Variants in ADGRD1 observed in about 807,000 individuals in gnomAD.
The protein encoded by ADGRD1 is adhesion G protein-coupled receptor D1, also known as G-protein coupled receptor 133.
ADGRD1 carries 77 observed loss-of-function variants against 113.4 expected under a neutral mutation model. The ratio of observed to expected loss-of-function variants is 0.68; its 90% CI spans 0.57 to 0.82. ADGRD1 has a LOEUF of 0.82. ADGRD1 is among the 40% of genes least tolerant of loss of function. The pLI, the probability that ADGRD1 is intolerant of heterozygous loss-of-function variation, is 0.00. For synonymous variants in ADGRD1, 474 were observed against 475.0 expected, an observed-to-expected ratio of 1.00 and a Z score of 0.03; for missense variants, 1,036 against 1,139.1, an observed-to-expected ratio of 0.91 and a Z score of 1.30.
chr12:131,062,798 G>A (rs548048405), intron 13 of ADGRD1, among the ~76,000 whole-genome samples: 154 of 152,126 alleles, frequency 1.0e-3, no homozygotes, highest in African/African-American at 3.4e-3. Context: ...CAAGGGTCAC[G>A]TGGTAAATAT....
At chr12:131,018,982 C>G (rs748802099) in intron 13 of ADGRD1, among the ~76,000 whole-genome samples, 3 of 152,212 alleles carry the variant, frequency 2.0e-5, no homozygotes, top group Non-Finnish European at 4.4e-5. Flanking sequence ...AAGGCCGGGG[C>G]ACAGACTCGT....
chr12:131,049,031 G>A (rs545886381), intron 13 of ADGRD1, among the ~76,000 whole-genome samples: 1 of 152,254 alleles, frequency 6.6e-6, no homozygotes, highest in Non-Finnish European at 1.5e-5. Context: ...GAGAGAGGGC[G>A]AGGCCAAAGG....
chr12:131,105,204 G>T (rs1160332540), intron 16 of ADGRD1, among the ~76,000 whole-genome samples: 1 of 152,250 alleles, frequency 6.6e-6, no homozygotes, highest in Non-Finnish European at 1.5e-5. Flanking sequence ...CAGGCGTGTG[G>T]TCGGCTTTGA....
intron 13 of ADGRD1, among the ~76,000 whole-genome samples, chr12:131,039,494 A>T (rs1474848461): frequency 1.3e-5 from 2 of 152,262 alleles, no homozygotes; most frequent in Non-Finnish European, 2.9e-5. Flanking sequence ...AGATGGAAAG[A>T]TTGTTCAAAG....
chr12:131,138,346 G>A (rs976401765), intron 24 of ADGRD1, 117 bp downstream of exon 24: 1 of 782,578 alleles, frequency 1.3e-6, no homozygotes, highest in Non-Finnish European at 2.1e-6. Context: ...AGCAGTCTTT[G>A]TCCCCCTCTC....
rs752555634 is a variant in ADGRD1, at chr12:131,139,178, C to T, written c.2540C>T (p.Thr847Ile). 1.2e-6 allele frequency: 2 copies of T among 1,612,998 alleles called. No individual in the cohort carries two copies. Among genetic ancestry groups the T allele is most frequent in the Non-Finnish European group, 1.7e-6 (2 of 1,179,710 alleles). The change falls in exon 25 of 25, where the codon ACC becomes ATC. Residue 847 changes from threonine (T) to isoleucine (I), a missense_variant. Coordinates refer to ENST00000261654, the MANE Select transcript of ADGRD1 (RefSeq NM_198827.5). The stretch of plus-strand genomic sequence containing the variant: ...CTTTATGCTTTGCAGATGAATGGGA[C>T]CCGGCCAGGCATGGCCTCCACCAAG... ...KPFHSDLMNGTRPGMASTKLS... is the reference protein window; with the variant it reads ...KPFHSDLMNGIRPGMASTKLS...
chr12:131,012,250 G>A (rs1244542978), intron 12 of ADGRD1, among the ~76,000 whole-genome samples: 18 of 150,948 alleles, frequency 1.2e-4, no homozygotes, highest in Admixed American at 1.2e-3. Flanking sequence ...GTTGAGACAC[G>A]TGGACCTAGG....
At chr12:130,962,631 A>G (rs1255104122) in intron 2 of ADGRD1, 1 of 152,232 alleles carries the variant, frequency 6.6e-6, no homozygotes, top group African/African-American at 2.4e-5. Context: ...TTCATATTGC[A>G]TTACAATAGT....
intron 15 of ADGRD1, among the ~76,000 whole-genome samples, chr12:131,086,375 C>T (rs959891742): frequency 6.6e-6 from 1 of 152,156 alleles, no homozygotes; most frequent in Non-Finnish European, 1.5e-5. Context: ...CCCAGGAATG[C>T]AGCCTCCCAG....
chr12:130,996,523 G>A (rs1375410886), intron 8 of ADGRD1, among the ~76,000 whole-genome samples: 1 of 131,656 alleles, frequency 7.6e-6, no homozygotes, highest in Non-Finnish European at 1.7e-5. Context: ...CGGCTGGCCG[G>A]GCGGGGGGCT....
intron 23 of ADGRD1, chr12:131,137,627 TC>T (rs1262899101): frequency 4.7e-6 from 1 of 211,752 alleles, no homozygotes; most frequent in Non-Finnish European, 9.6e-6. Context: ...AGTGGCGGTG[TC>T]CGTTTGCAAG....
chr12:130,994,147 C>A, intron 8 of ADGRD1: 1 of 355,310 alleles, frequency 2.8e-6, no homozygotes, highest in Non-Finnish European at 5.9e-6. Context: ...CGCTTCCGGG[C>A]TCCGAAGGGA....
intron 15 of ADGRD1, among the ~76,000 whole-genome samples, chr12:131,102,058 G>T (rs1566111003): frequency 1.3e-5 from 2 of 152,192 alleles, no homozygotes; most frequent in African/African-American, 4.8e-5. Context: ...AGAATCCTCA[G>T]AACTCTTAAG....
chr12:131,014,463 A>C, intron 13 of ADGRD1, 123 bp downstream of exon 13: 1 of 854,180 alleles, frequency 1.2e-6, no homozygotes, highest in Non-Finnish European at 1.8e-6. Context: ...CCGAACTGGA[A>C]TCTTCCTCTC....
intron 13 of ADGRD1, among the ~76,000 whole-genome samples, chr12:131,063,586 G>C (rs1884504802): frequency 6.6e-6 from 1 of 152,150 alleles, no homozygotes. Flanking sequence ...GTACTTGTGT[G>C]GGGCTGTTCC....
chr12:131,093,960 C>G (rs879541117), intron 15 of ADGRD1, among the ~76,000 whole-genome samples: 6,602 of 123,094 alleles, frequency 0.054, 210 homozygotes, highest in East Asian at 0.11. Context: ...CACCCAGCCT[C>G]AGCACCCAGC....
chr12:131,054,517 C>A (rs929468964), intron 13 of ADGRD1, among the ~76,000 whole-genome samples: 1 of 152,188 alleles, frequency 6.6e-6, no homozygotes, highest in Non-Finnish European at 1.5e-5. Flanking sequence ...CCACCCAGTG[C>A]CCTAGAAGTT....
intron 8 of ADGRD1, among the ~76,000 whole-genome samples, chr12:130,996,002 G>GC (rs1875262794): frequency 6.6e-6 from 1 of 151,958 alleles, no homozygotes; most frequent in Non-Finnish European, 1.5e-5. Context: ...CTGCCTTCAA[G>GC]CATCTGTTTA....
At position 131,136,154 on chromosome 12, in the gene ADGRD1, C is replaced by T. The variant is rs369853823; in HGVS notation, c.2385C>T (p.Asn795=). Residue 795 remains asparagine (N), a synonymous_variant, in exon 22 of 25, where the codon AAC becomes AAT. Transcript: ENST00000261654. ...VVFQYMFATL[N]SLQGLFIFLF... is the part of the protein sequence containing the mutation. ...TCCAGTACATGTTTGCCACGCTCAACTCCCTGCAGGTGAGAGCCGCGGGGA... is the reference window on the plus strand; with the variant it reads ...TCCAGTACATGTTTGCCACGCTCAATTCCCTGCAGGTGAGAGCCGCGGGGA... The T allele has an allele frequency of 6.2e-7, 1 of 1,614,108 alleles. No homozygotes were observed. Among genetic ancestry groups the T allele is most frequent in the South Asian group, 1.1e-5 (1 of 91,068 alleles).
Sources: allele counts gnomAD v4.1 joint callset (sites outside exome capture counted in the v4.1 genomes callset), GRCh38; gene constraint gnomAD v4.1.1; transcripts MANE v1.5; gene names NCBI Gene and HGNC (gene_info 2026-07-23, HGNC 2026-07-21).